The following PTPRT variants were observed in gnomAD, a reference collection of about 807,000 sequenced individuals.
The protein encoded by PTPRT is protein tyrosine phosphatase receptor type T.
Under a neutral mutation model 176.8 loss-of-function variants are expected in PTPRT, and 56 were observed. That is an observed-to-expected ratio of 0.32 (90% CI 0.26 to 0.40). The LOEUF is 0.40. PTPRT is among the 10% of genes least tolerant of loss of function. The pLI is 1.00. For synonymous variants in PTPRT, 783 were observed against 739.0 expected, an observed-to-expected ratio of 1.06 and a Z score of -0.96; for missense variants, 1,540 against 1,908.2, an observed-to-expected ratio of 0.81 and a Z score of 3.60.
chr20:42,450,516 C>T (rs1460755198), intron 8 of PTPRT, among the ~76,000 whole-genome samples: 1 of 152,156 alleles, frequency 6.6e-6, no homozygotes, highest in Non-Finnish European at 1.5e-5. Context: ...ACCTTGTGCT[C>T]ATTTTCCTGT....
At chr20:43,099,071 G>A (rs1341755470) in intron 1 of PTPRT, among the ~76,000 whole-genome samples, 1 of 152,008 alleles carries the variant, frequency 6.6e-6, no homozygotes, top group East Asian at 1.9e-4. Context: ...TACCTCGGGT[G>A]ATGGCAGTGT....
chr20:42,068,437 G>A (rs574544709), downstream of PTPRT, among the ~76,000 whole-genome samples: 1 of 152,270 alleles, frequency 6.6e-6, no homozygotes, highest in East Asian at 1.9e-4. Context: ...TCTCTGGGGT[G>A]CTTCAAATGG....
intron 23 of PTPRT, among the ~76,000 whole-genome samples, chr20:42,107,437 C>T (rs1167708935): frequency 6.6e-6 from 1 of 152,224 alleles, no homozygotes; most frequent in African/African-American, 2.4e-5. Context: ...TGTCATGAAA[C>T]TGGAGCAGCT....
intron 8 of PTPRT, among the ~76,000 whole-genome samples, chr20:42,453,798 G>A (rs989740421): frequency 6.7e-6 from 1 of 149,632 alleles, no homozygotes; most frequent in African/African-American, 2.5e-5. Flanking sequence ...AGCCTCCCAA[G>A]TAGCTGGGAT....
chr20:42,081,684 T>A (rs1191617422), intron 30 of PTPRT, among the ~76,000 whole-genome samples, 198 bp downstream of exon 30: 3 of 152,172 alleles, frequency 2.0e-5, no homozygotes, highest in Non-Finnish European at 4.4e-5. Flanking sequence ...AGTAATTGGA[T>A]TTTCCTGCAA....
intron 2 of PTPRT, among the ~76,000 whole-genome samples, chr20:42,841,013 G>A (rs888545082): frequency 1.7e-4 from 26 of 152,112 alleles, no homozygotes; most frequent in African/African-American, 6.3e-4. Flanking sequence ...TCAACACCAG[G>A]CTCCTTGGCA....
At chr20:42,628,159 C>T (rs2074330784) in intron 7 of PTPRT, among the ~76,000 whole-genome samples, 1 of 152,114 alleles carries the variant, frequency 6.6e-6, no homozygotes, top group Admixed American at 6.5e-5. Flanking sequence ...CTCTGGGCCT[C>T]CACTTCCGTG....
chr20:42,984,694 G>T (rs1983472746), intron 1 of PTPRT, among the ~76,000 whole-genome samples: 1 of 152,172 alleles, frequency 6.6e-6, no homozygotes, highest in Non-Finnish European at 1.5e-5. Context: ...TATTTTTACA[G>T]AAAAGTAAAT....
chr20:42,590,981 G>A (rs1036711079), intron 7 of PTPRT, among the ~76,000 whole-genome samples: 2 of 146,424 alleles, frequency 1.4e-5, no homozygotes, highest in African/African-American at 5.1e-5. Flanking sequence ...TGTGTAATGG[G>A]GCATTCCAAA....
chr20:42,978,584 T>G (rs1180761604), intron 1 of PTPRT, among the ~76,000 whole-genome samples: 1 of 152,192 alleles, frequency 6.6e-6, no homozygotes, highest in Non-Finnish European at 1.5e-5. Flanking sequence ...TGAGACCTAC[T>G]GGCCTGCATT....
the PTPRT span, among the ~76,000 whole-genome samples, chr20:42,049,127 G>A: frequency 6.6e-6 from 1 of 152,212 alleles, no homozygotes; most frequent in African/African-American, 2.4e-5. Context: ...AGTTTTAGGT[G>A]AGTTTGTTAC....
At chr20:42,636,950 A>G (rs2074615320) in intron 7 of PTPRT, among the ~76,000 whole-genome samples, 1 of 152,080 alleles carries the variant, frequency 6.6e-6, no homozygotes, top group African/African-American at 2.4e-5. Context: ...GTGTTGATAT[A>G]TATGATGAAA....
chr20:42,488,727 G>A (rs1162722372), intron 7 of PTPRT, among the ~76,000 whole-genome samples: 6 of 152,086 alleles, frequency 3.9e-5, no homozygotes, highest in Non-Finnish European at 7.4e-5. Flanking sequence ...TACTTTGGGA[G>A]GCCGAGGCGG....
intron 1 of PTPRT, among the ~76,000 whole-genome samples, chr20:43,075,401 C>T (rs953052705): frequency 6.6e-6 from 1 of 152,266 alleles, no homozygotes; most frequent in Non-Finnish European, 1.5e-5. Flanking sequence ...GAGGCATGCG[C>T]TGGCACGCGC....
intron 11 of PTPRT, among the ~76,000 whole-genome samples, chr20:42,334,118 T>C (rs2058006921): frequency 6.6e-6 from 1 of 152,188 alleles, no homozygotes; most frequent in Non-Finnish European, 1.5e-5. Context: ...CTGTGAATCA[T>C]ACATTTTTTT....
intron 16 of PTPRT, among the ~76,000 whole-genome samples, chr20:42,169,792 A>ACACAC (rs781141603): frequency 6.2e-4 from 59 of 95,408 alleles, no homozygotes; most frequent in East Asian, 9.4e-4. Flanking sequence ...ACACACACAC[A>ACACAC]ACAGTCAGTA....
intron 1 of PTPRT, among the ~76,000 whole-genome samples, chr20:43,147,950 G>C (rs1202654607): frequency 6.6e-6 from 1 of 152,082 alleles, no homozygotes; most frequent in African/African-American, 2.4e-5. Flanking sequence ...CTTCCTATCA[G>C]GTTAGAAAAC....
intron 1 of PTPRT, among the ~76,000 whole-genome samples, chr20:43,024,601 A>G: frequency 6.6e-6 from 1 of 152,098 alleles, no homozygotes; most frequent in Non-Finnish European, 1.5e-5. Context: ...AAAAAAAAAA[A>G]AAAAGCCTCA....
chr20:43,137,539 G>A (rs1269267028), intron 1 of PTPRT, among the ~76,000 whole-genome samples: 1 of 152,194 alleles, frequency 6.6e-6, no homozygotes, highest in Admixed American at 6.5e-5. Context: ...AGATGGATGG[G>A]AAAGGGCTGA....
Sources: gnomAD v4.1 joint callset for allele counts (sites outside exome capture counted in the v4.1 genomes callset) on GRCh38, gnomAD v4.1.1 for gene constraint, MANE v1.5 for transcripts, NCBI Gene and HGNC (gene_info 2026-07-23, HGNC 2026-07-21) for gene names.